The following CPED1 variants were observed in gnomAD, a reference collection of about 807,000 sequenced individuals.
The protein encoded by CPED1 is cadherin like and PC-esterase domain containing 1.
A neutral mutation model predicts 128.2 loss-of-function variants in CPED1; 114 were observed. That is an observed-to-expected ratio of 0.89 (90% CI 0.76 to 1.04). CPED1 has a LOEUF of 1.04. Ranked by LOEUF, CPED1 falls within the 50% of genes least tolerant of loss-of-function variation. The probability of loss-of-function intolerance (pLI) is 0.00; values close to 1 mark genes in which losing one functional copy is unlikely to be tolerated. For synonymous variants in CPED1, 462 were observed against 426.7 expected (o/e 1.08, Z -1.02); for missense variants, 1,211 against 1,207.1 (o/e 1.00, Z -0.05).
intron 22 of CPED1, among the ~76,000 whole-genome samples, chr7:121,285,611 G>C (rs926417283): frequency 6.6e-6 from 1 of 152,154 alleles, no homozygotes; most frequent in Non-Finnish European, 1.5e-5. Context: ...AATGCCACCA[G>C]TCTCTTTGCT....
At chr7:121,145,826 C>A (rs1796012404) in intron 16 of CPED1, among the ~76,000 whole-genome samples, 1 of 151,476 alleles carries the variant, frequency 6.6e-6, no homozygotes, top group Admixed American at 6.6e-5. Flanking sequence ...AGTGTCCTCA[C>A]TATATTTGTA....
intron 22 of CPED1, among the ~76,000 whole-genome samples, chr7:121,283,535 G>A (rs1792502652): frequency 6.6e-6 from 1 of 152,188 alleles, no homozygotes; most frequent in Non-Finnish European, 1.5e-5. Flanking sequence ...TAAGAGTAGG[G>A]AAGAGAGACA....
Position 121,067,907 on chromosome 7 carries a change from G to A in CPED1, c.616+3594G>A, listed in dbSNP as rs1793885753. ...TCATGTGTGTTTTGGCTGCATAAATGTCTTCTTTTGAGAAGTGTCTGTTCA... is the reference window on the plus strand; with the variant it reads ...TCATGTGTGTTTTGGCTGCATAAATATCTTCTTTTGAGAAGTGTCTGTTCA... On this transcript the variant is annotated intron_variant, in intron 5 of 22. Transcript: ENST00000310396. Among the ~76,000 whole-genome samples the A allele has an allele frequency of 2.6e-5, 4 of 152,170 alleles. No individual in the cohort carries two copies. The South Asian group carries it at 8.3e-4, about 32-fold the overall frequency.
At position 121,127,153 on chromosome 7, in the gene CPED1, G is replaced by A; in HGVS notation, c.1198G>A (p.Glu400Lys). Residue 400 changes from glutamate to lysine, a missense_variant, in exon 10 of 23, where the codon GAA (glutamate) becomes AAA (lysine). Glu to Lys is a moderately conservative substitution (Grantham distance 56). Coordinates refer to ENST00000310396, the MANE Select transcript of CPED1 (RefSeq NM_024913.5). The part of the protein sequence containing the change: ...NMDFEDQNTE[E>K]FLLNDTFNFL... ...GGATTTTGAGGACCAAAATACAGAA[G>A]AATTCCTTTTAAATGACACTTTCAA... 6.3e-7 allele frequency: 1 copy of A among 1,597,604 alleles called. No homozygotes were observed. The highest frequency in any genetic ancestry group is 8.6e-7 in the Non-Finnish European group (1 of 1,167,468).
chr7:121,189,798 A>ATATATATATATATATATATATATAT (rs869279165), intron 16 of CPED1, among the ~76,000 whole-genome samples: 2 of 50,460 alleles, frequency 4.0e-5, no homozygotes, highest in African/African-American at 1.2e-4. Context: ...ATATATATAT[A>ATATATATATATATATATATATATAT]AAATTTGTAT....
At chr7:121,149,362 A>G (rs1157774381) in intron 16 of CPED1, among the ~76,000 whole-genome samples, 2 of 152,184 alleles carry the variant, frequency 1.3e-5, no homozygotes, top group Non-Finnish European at 2.9e-5. Context: ...TGTTCTTTCA[A>G]TCATGATCTG....
rs766135522 is a variant in CPED1 at position 121,182,936 on chromosome 7, A to AT, written c.2055+40802dup. On this transcript the variant is annotated intron_variant, in intron 16 of 22. Coordinates refer to ENST00000310396, the MANE Select transcript of CPED1 (RefSeq NM_024913.5). Reference sequence around the variant, plus strand: ...TTTCCTCACTCCCCTTTATGCTAGCATTTTTTTCTTCAAAAACTTATTCCT... The same window carrying AT: ...TTTCCTCACTCCCCTTTATGCTAGCATTTTTTTTCTTCAAAAACTTATTCCT... Among the ~76,000 whole-genome samples the AT allele has an allele frequency of 6.0e-5, 9 of 151,026 alleles. No homozygotes were observed. In the East Asian group the frequency reaches 1.8e-3, roughly 29 times the overall value.
chr7:121,082,271 A>G (rs73215356), intron 5 of CPED1, among the ~76,000 whole-genome samples: 14,485 of 152,272 alleles, frequency 0.095, 768 homozygotes, highest in Middle Eastern at 0.15. Context: ...AAAATAATAT[A>G]TAAGAGATTA....
At chr7:121,126,941 A>G (rs1191507184) in intron 9 of CPED1, 149 bp from the exon 10 acceptor site, 2 of 505,438 alleles carry the variant, frequency 4.0e-6, no homozygotes, top group African/African-American at 3.9e-5. Context: ...AATTACTCAC[A>G]TTTATAAAAC....
chr7:120,991,318 T>A (rs1392028172), intron 2 of CPED1, among the ~76,000 whole-genome samples: 4 of 152,234 alleles, frequency 2.6e-5, no homozygotes, highest in Non-Finnish European at 5.9e-5. Flanking sequence ...CATCTATTTT[T>A]AGGCACAGTA....
chr7:121,208,831 A>G (rs1372181251), intron 16 of CPED1, among the ~76,000 whole-genome samples: 2 of 152,050 alleles, frequency 1.3e-5, no homozygotes, highest in African/African-American at 2.4e-5. Flanking sequence ...AAATATGATT[A>G]ATATTTTTCA....
At chr7:121,231,326 T>C (rs1023231082) in intron 16 of CPED1, among the ~76,000 whole-genome samples, 3 of 152,104 alleles carry the variant, frequency 2.0e-5, no homozygotes, top group African/African-American at 7.2e-5. Flanking sequence ...CATGGTTGTC[T>C]TATTGTCAGC....
intron 2 of CPED1, among the ~76,000 whole-genome samples, chr7:121,012,451 G>A (rs1055196341): frequency 2.0e-5 from 3 of 152,226 alleles, no homozygotes; most frequent in South Asian, 4.1e-4. Context: ...TGGTGGCCAG[G>A]TGAAATGTAT....
At chr7:120,991,337 G>A (rs893013152) in intron 2 of CPED1, among the ~76,000 whole-genome samples, 2 of 152,168 alleles carry the variant, frequency 1.3e-5, no homozygotes, top group Admixed American at 6.5e-5. Flanking sequence ...TAAAGTTATT[G>A]AAGAATGTGT....
At chr7:121,027,951 C>T (rs773199364) in intron 3 of CPED1, among the ~76,000 whole-genome samples, 26 of 151,938 alleles carry the variant, frequency 1.7e-4, no homozygotes, top group Non-Finnish European at 3.2e-4. Context: ...ATGAGGAGAG[C>T]AGAGGCGACT....
At chr7:121,042,152 G>A (rs1793075957) in intron 3 of CPED1, among the ~76,000 whole-genome samples, 1 of 151,664 alleles carries the variant, frequency 6.6e-6, no homozygotes, top group African/African-American at 2.4e-5. Flanking sequence ...AACTAAGAAA[G>A]TTTTAAGGAT....
chr7:121,240,664 A>AT (rs1405815177), intron 17 of CPED1, among the ~76,000 whole-genome samples: 2 of 151,514 alleles, frequency 1.3e-5, no homozygotes, highest in African/African-American at 2.4e-5. Flanking sequence ...GGATAGGCAA[A>AT]TTGAAGACTC....
At chr7:121,182,520 C>G (rs932980606) in intron 16 of CPED1, among the ~76,000 whole-genome samples, 1 of 151,620 alleles carries the variant, frequency 6.6e-6, no homozygotes, top group East Asian at 1.9e-4. Flanking sequence ...CTCTCTTCCT[C>G]CCTCCCTTTT....
At chr7:121,004,018 G>A (rs939528134) in intron 2 of CPED1, among the ~76,000 whole-genome samples, 2 of 152,180 alleles carry the variant, frequency 1.3e-5, no homozygotes, top group Admixed American at 6.5e-5. Context: ...TCCATGAATA[G>A]GATAAGGCAA....
Sources: allele counts gnomAD v4.1 joint callset (sites outside exome capture counted in the v4.1 genomes callset), GRCh38; gene constraint gnomAD v4.1.1; transcripts MANE v1.5; gene names NCBI Gene and HGNC (gene_info 2026-07-23, HGNC 2026-07-21).